CEP192: variants seen among roughly 807,000 people sequenced by gnomAD.
CEP192 encodes centrosomal protein of 192 kDa.
Under a neutral mutation model 271.8 loss-of-function variants are expected in CEP192, and 151 were observed. That is an observed-to-expected ratio of 0.56 (90% confidence interval 0.49 to 0.64). The LOEUF is 0.64. Ranked by LOEUF, CEP192 falls within the 30% of genes least tolerant of loss-of-function variation. The pLI, the probability that CEP192 is intolerant of heterozygous loss-of-function variation, is 0.00. For synonymous variants in CEP192, 995 were observed against 1,076.5 expected (o/e 0.92, Z 1.48); for missense variants, 2,910 against 3,020.5 (o/e 0.96, Z 0.86).
chr18:13,018,991 C>T, intron 8 of CEP192, 91 bp from the exon 9 acceptor site: 1 of 1,253,642 alleles, frequency 8.0e-7, no homozygotes. Context: ...ATTAGGGTTA[C>T]ATAAAATAAT....
At chr18:13,121,438 G>T (rs1055401029) in intron 44 of CEP192, among the ~76,000 whole-genome samples, 1 of 152,204 alleles carries the variant, frequency 6.6e-6, no homozygotes, top group Non-Finnish European at 1.5e-5. Flanking sequence ...CTTACAGGCT[G>T]TAAGCTGATT....
At chr18:13,002,980 A>T (rs993346787) in intron 3 of CEP192, among the ~76,000 whole-genome samples, 3 of 152,242 alleles carry the variant, frequency 2.0e-5, no homozygotes, top group African/African-American at 7.2e-5. Flanking sequence ...TGTGCCACAC[A>T]CTTTTCCAGG....
chr18:13,039,190 C>T (rs2036069583), intron 13 of CEP192, among the ~76,000 whole-genome samples: 1 of 152,176 alleles, frequency 6.6e-6, no homozygotes, highest in Non-Finnish European at 1.5e-5. Context: ...CGCAGTGGCT[C>T]ACACCTGTAA....
intron 11 of CEP192, among the ~76,000 whole-genome samples, chr18:13,032,048 TG>T (rs1488601619): frequency 6.6e-6 from 1 of 152,158 alleles, no homozygotes; most frequent in African/African-American, 2.4e-5. Context: ...GATTGAGTTT[TG>T]ACCACCATGC....
At position 13,001,445 on chromosome 18, in the gene CEP192, T is replaced by A. The variant is rs1044075599; in HGVS notation, c.165-12T>A. 26 of 1,521,904 alleles carry A rather than the reference T, an allele frequency of 1.7e-5. No individual in the cohort carries two copies. The highest frequency in any genetic ancestry group is 2.8e-5 in the African/African-American group (2 of 71,764). 94.3% of individuals were successfully genotyped at this position (1,521,904 alleles called of 1,614,324 possible). On this transcript the variant is annotated splice_polypyrimidine_tract_variant and intron_variant, in intron 2 of 44. Transcript: ENST00000506447. ...TAATTCTTAACAATTAAAACAAATT[T>A]TTTTTGTATAGGTATCCTGATATCC...
intron 14 of CEP192, 86 bp downstream of exon 14, chr18:13,041,042 A>T (rs962570852): frequency 3.6e-6 from 4 of 1,113,260 alleles, no homozygotes; most frequent in Non-Finnish European, 2.6e-6. Context: ...CGTGTTCTTT[A>T]TGAGTGAAAA....
At chr18:13,092,025 G>A (rs551035823) in intron 33 of CEP192, among the ~76,000 whole-genome samples, 45 of 152,266 alleles carry the variant, frequency 3.0e-4, no homozygotes, top group African/African-American at 9.1e-4. Context: ...GTTTGTTGCC[G>A]AATATATCTA....
In CEP192 at chr18:13,096,415, C is replaced by T. The variant is rs867907082; in HGVS notation, c.6557+108C>T. 2.8e-5 allele frequency: 39 copies of T among 1,414,260 alleles called. 1 individual carries two copies. The Middle Eastern group carries it at 9.1e-4, about 33-fold the overall frequency. 87.6% of individuals were successfully genotyped at this position (1,414,260 alleles called of 1,614,324 possible). A position where few individuals can be genotyped will look rare whatever the true frequency, so the allele number is the denominator to read the frequency against. ...TAGTTTATCCAGTTGAATTTTGCAC[C>T]GTGCTGACTCTGCACAAAGCATGTG... is the stretch of plus-strand genomic sequence containing the variant. On this transcript the variant is annotated intron_variant, in intron 36 of 44. Coordinates refer to ENST00000506447, the MANE Select transcript of CEP192 (RefSeq NM_032142.4).
intron 32 of CEP192, 106 bp downstream of exon 32, chr18:13,087,752 G>A (rs1032424805): frequency 2.2e-6 from 1 of 462,600 alleles, no homozygotes; most frequent in African/African-American, 2.0e-5. Context: ...ATTTATTAGT[G>A]AACTGGTAGA....
At chr18:13,105,427 A>G (rs1184029290) in intron 40 of CEP192, among the ~76,000 whole-genome samples, 1 of 152,230 alleles carries the variant, frequency 6.6e-6, no homozygotes, top group African/African-American at 2.4e-5. Flanking sequence ...TCAACAGTAT[A>G]TCTTCATGGG....
intron 30 of CEP192, among the ~76,000 whole-genome samples, chr18:13,075,817 GATCGTGC>G (rs2038242826): frequency 6.6e-6 from 1 of 152,160 alleles, no homozygotes; most frequent in African/African-American, 2.4e-5. Context: ...ACGTGGCCGT[GATCGTGC>G]ATCTTACTTG....
intron 24 of CEP192, 40 bp from the exon 25 acceptor site, chr18:13,068,812 C>T: frequency 1.2e-6 from 2 of 1,611,652 alleles, no homozygotes; most frequent in Non-Finnish European, 1.7e-6. Flanking sequence ...AATTAAATAA[C>T]TCTCTGGTCT....
intron 3 of CEP192, among the ~76,000 whole-genome samples, chr18:13,003,815 C>G (rs1024962659): frequency 6.6e-6 from 1 of 152,148 alleles, no homozygotes; most frequent in Non-Finnish European, 1.5e-5. Flanking sequence ...AAGGCCCACT[C>G]TCGCGGTTAT....
intron 15 of CEP192, among the ~76,000 whole-genome samples, chr18:13,048,158 G>T (rs2036580708): frequency 6.6e-6 from 1 of 152,170 alleles, no homozygotes; most frequent in African/African-American, 2.4e-5. Flanking sequence ...GTCAACTGAG[G>T]TGCAAAAATA....
intron 9 of CEP192, among the ~76,000 whole-genome samples, chr18:13,024,111 G>A (rs2035150364): frequency 1.3e-5 from 2 of 151,952 alleles, no homozygotes; most frequent in East Asian, 1.9e-4. Flanking sequence ...ATGATAGTTG[G>A]TTCATCTATT....
At chr18:13,099,969 G>A (rs2039629694) in intron 37 of CEP192, among the ~76,000 whole-genome samples, 1 of 152,134 alleles carries the variant, frequency 6.6e-6, no homozygotes, top group Non-Finnish European at 1.5e-5. Context: ...CATGGATACC[G>A]AGGCATGATT....
intron 11 of CEP192, among the ~76,000 whole-genome samples, chr18:13,034,928 G>T (rs2035838016): frequency 6.6e-6 from 1 of 151,630 alleles, no homozygotes; most frequent in African/African-American, 2.4e-5. Context: ...TGCCGCTTAT[G>T]ACCTGAGAGT....
Position 13,087,278 on chromosome 18 carries a change from G to A in CEP192, c.5877+1G>A, listed in dbSNP as rs773136123. The A allele has an allele frequency of 5.7e-6, 9 of 1,591,938 alleles. No homozygotes were observed. The highest frequency in any genetic ancestry group is 7.7e-6 in the Non-Finnish European group (9 of 1,164,994). On this transcript the variant is annotated splice_donor_variant, in intron 31 of 44. Coordinates refer to ENST00000506447, the MANE Select transcript of CEP192 (RefSeq NM_032142.4). LOFTEE classifies it high-confidence loss of function. ...TGTACTCAAGGAAAGAACACAAGAAGTAAGTACAAAAGTTTCTGTGCTAAA... is the reference window on the plus strand; with the variant it reads ...TGTACTCAAGGAAAGAACACAAGAAATAAGTACAAAAGTTTCTGTGCTAAA...
chr18:13,095,757 A>G, intron 35 of CEP192, 76 bp downstream of exon 35: 1 of 1,284,746 alleles, frequency 7.8e-7, no homozygotes, highest in South Asian at 1.4e-5. Context: ...CCCATGGCCT[A>G]TCCAAGACAC....
Sources: gnomAD v4.1 joint callset for allele counts (sites outside exome capture counted in the v4.1 genomes callset) on GRCh38, gnomAD v4.1.1 for gene constraint, MANE v1.5 for transcripts, NCBI Gene and HGNC (gene_info 2026-07-23, HGNC 2026-07-21) for gene names.